COL6A3: variants seen among roughly 807,000 people sequenced by gnomAD.
The protein encoded by COL6A3 is collagen type VI alpha 3 chain, also known as collagen alpha-3(VI) chain.
In COL6A3, 137 loss-of-function variants were observed where a neutral mutation model predicts 274.1. That is an observed-to-expected ratio of 0.50 (90% CI 0.44 to 0.58). The LOEUF (loss-of-function observed/expected upper bound fraction) is 0.58. Among genes scored for constraint, COL6A3 ranks in the 20% least tolerant of loss-of-function variants. The probability of loss-of-function intolerance (pLI) is 0.00; values close to 1 mark genes in which losing one functional copy is unlikely to be tolerated. For missense variants in COL6A3, 3,950 were observed against 4,124.9 expected (o/e 0.96, Z 1.16); for synonymous variants, 1,650 against 1,650.6 (o/e 1.00, Z 0.01).
At chr2:237,370,646 G>C (rs1349506120) in intron 9 of COL6A3, among the ~76,000 whole-genome samples, 1 of 152,202 alleles carries the variant, frequency 6.6e-6, no homozygotes, top group Non-Finnish European at 1.5e-5. Flanking sequence ...TATTAAACTT[G>C]TATGTTGCTA....
At chr2:237,343,961 C>A (rs1041611245) in intron 36 of COL6A3, 2 of 352,698 alleles carry the variant, frequency 5.7e-6, no homozygotes, top group Non-Finnish European at 1.1e-5. Context: ...CACAGTAAGA[C>A]ACAGCTCAGA....
At chr2:237,330,342 A>G (rs1039155) in intron 42 of COL6A3, among the ~76,000 whole-genome samples, 26,881 of 152,096 alleles carry the variant, frequency 0.18, 2,452 homozygotes, top group Middle Eastern at 0.21. Flanking sequence ...TGCTTTCAGG[A>G]GGCCACGGTA....
rs1258202644 is a variant in COL6A3, at chr2:237,360,094, T to C, written c.6276A>G (p.Gly2092=). The change falls in exon 17 of 44, where the codon GGA becomes GGG. Residue 2092 remains glycine (G), a synonymous_variant. Coordinates refer to ENST00000295550, the MANE Select transcript of COL6A3 (RefSeq NM_004369.4). ...QGFQGCPGQR[G]VKGSRGFPGE... The stretch of plus-strand genomic sequence containing the variant: ...CCCATCACCCACGCCTCACCTTTAC[T>C]CCTCTCTGGCCCGGGCAGCCCTGGA... 3 of 1,613,872 alleles carry C rather than the reference T, an allele frequency of 1.9e-6. No homozygotes were observed. The highest frequency in any genetic ancestry group is 2.5e-6 in the Non-Finnish European group (3 of 1,179,966).
intron 24 of COL6A3, 68 bp downstream of exon 24, chr2:237,354,831 C>T: frequency 4.4e-6 from 6 of 1,366,718 alleles, no homozygotes; most frequent in Non-Finnish European, 4.1e-6. Context: ...GAGTGTTTTT[C>T]ACTCCTGGGC....
At position 237,368,600 on chromosome 2, in the gene COL6A3, T is replaced by TGCAGGAGTG; in HGVS notation, c.4854_4862dup (p.Thr1619_Ala1621dup). 6.2e-7 allele frequency: 1 copy of TGCAGGAGTG among 1,613,920 alleles called. No individual in the cohort carries two copies. The highest frequency in any genetic ancestry group is 8.5e-7 in the Non-Finnish European group (1 of 1,179,992). ...GAGGAGGGGTGTCCACCCCTGGAGG[T>TGCAGGAGTG]GCAGGAGTGGCTGCGGAGGGTCCAA... On this transcript the variant is annotated inframe_insertion, in exon 10 of 44. Transcript: ENST00000295550. The surrounding 1 kb of genome is among the most constrained non-coding windows in gnomAD (Gnocchi z 4.4).
chr2:237,382,474 A>G (rs988696847), intron 4 of COL6A3, among the ~76,000 whole-genome samples: 1 of 152,240 alleles, frequency 6.6e-6, no homozygotes, highest in African/African-American at 2.4e-5. Context: ...ACATCTCAAT[A>G]AGATAACTGT....
Position 237,366,951 on chromosome 2 carries a change from T to A in COL6A3, c.5236A>T (p.Ile1746Phe), listed in dbSNP as rs1287417987. 1 of 1,614,088 alleles carries A rather than the reference T, an allele frequency of 6.2e-7. No homozygotes were observed. The highest frequency in any genetic ancestry group is 1.7e-5 in the Admixed American group (1 of 60,004). ...GSRLDQRVPQ[I>F]AFVITGGKSV... is the part of the protein sequence containing the mutation. ...TTTCCTCCCGTGATCACAAAGGCAATCTGAGGGACCCGCTGGTCCAGGCGG... is the reference window on the plus strand; with the variant it reads ...TTTCCTCCCGTGATCACAAAGGCAAACTGAGGGACCCGCTGGTCCAGGCGG... The change falls in exon 11 of 44, where the codon ATT becomes TTT. Residue 1746 changes from isoleucine (I) to phenylalanine (F), a missense_variant. This residue lies in a region of COL6A3 where 632 missense variants were observed against 623.4 expected (regional missense o/e 1.01). Coordinates refer to ENST00000295550, the MANE Select transcript of COL6A3 (RefSeq NM_004369.4).
At chr2:237,334,596 G>C (rs1386224887) in intron 41 of COL6A3, 30 bp downstream of exon 41, 2 of 1,610,940 alleles carry the variant, frequency 1.2e-6, no homozygotes, top group Non-Finnish European at 1.7e-6. Context: ...ATAGAAATCA[G>C]GTACCGACTT....
chr2:237,398,219 T>C (rs76117790), intron 1 of COL6A3, among the ~76,000 whole-genome samples: 10,449 of 152,272 alleles, frequency 0.069, 914 homozygotes, highest in African/African-American at 0.2. Context: ...GGAATGAGCC[T>C]GGGGTGATTT....
Position 237,334,629 on chromosome 2 carries a change from T to C in COL6A3, c.9226A>G (p.Thr3076Ala), listed in dbSNP as rs1037962769. 2 of 1,613,204 alleles carry C rather than the reference T, an allele frequency of 1.2e-6. No homozygotes were observed. The highest frequency in any genetic ancestry group is 1.1e-5 in the South Asian group (1 of 91,020). Residue 3076 changes from threonine to alanine, a missense_variant, in exon 41 of 44, where the codon ACA (threonine) becomes GCA (alanine). Physicochemically the swap from Thr to Ala is moderately conservative, Grantham distance 58. Transcript: ENST00000295550. Reference sequence around the variant, plus strand: ...CTTGTACTGATCATGTACTTACTTGTACTGAAACTTCCGTGGTAGGTGGCT... The same window carrying C: ...CTTGTACTGATCATGTACTTACTTGCACTGAAACTTCCGTGGTAGGTGGCT... Reference protein sequence around the residue: ...VRATYHGSFSTKKSQPPPPQP... With the variant: ...VRATYHGSFSAKKSQPPPPQP...
At chr2:237,355,945 G>A (rs1405119370) in intron 23 of COL6A3, among the ~76,000 whole-genome samples, 1 of 152,196 alleles carries the variant, frequency 6.6e-6, no homozygotes, top group East Asian at 1.9e-4. Context: ...ACATTGCTCA[G>A]GCCAGAGGCC....
chr2:237,387,762 C>A lies in COL6A3; in HGVS notation c.1132G>T (p.Gly378Cys). Residue 378 changes from glycine to cysteine, a missense_variant, in exon 4 of 44, where the codon GGC becomes TGC. Physicochemically the swap from Gly to Cys is radical, Grantham distance 159. Coordinates refer to ENST00000295550, the MANE Select transcript of COL6A3 (RefSeq NM_004369.4). The part of the protein sequence containing the change: ...ALKQASVFSF[G>C]LGAQAASRAE... ...CTGGAGGCGGCCTGGGCTCCAAGGC[C>A]GAATGAGAACACGCTAGCCTGCTTC... 6.2e-7 allele frequency: 1 copy of A among 1,613,960 alleles called. No individual in the cohort carries two copies. The highest frequency in any genetic ancestry group is 8.5e-7 in the Non-Finnish European group (1 of 1,179,964).
chr2:237,353,990 T>C (rs4663728), intron 24 of COL6A3, among the ~76,000 whole-genome samples: 24,900 of 151,570 alleles, frequency 0.16, 2,191 homozygotes, highest in East Asian at 0.24. Flanking sequence ...ATTCTATTCT[T>C]AAATAAGATA....
chr2:237,400,453 G>T (rs1232009244), intron 1 of COL6A3, among the ~76,000 whole-genome samples: 1 of 151,916 alleles, frequency 6.6e-6, no homozygotes, highest in African/African-American at 2.4e-5. Context: ...GACTACATGA[G>T]ATCTGTAAGA....
intron 7 of COL6A3, 97 bp downstream of exon 7, chr2:237,376,675 G>T: frequency 8.2e-7 from 1 of 1,215,906 alleles, no homozygotes; most frequent in Non-Finnish European, 1.2e-6. Flanking sequence ...GTAAACTCAA[G>T]GAGGGCTTCT....
chr2:237,365,194 G>C (rs1221952421), intron 12 of COL6A3, among the ~76,000 whole-genome samples: 1 of 150,256 alleles, frequency 6.7e-6, no homozygotes, highest in Non-Finnish European at 1.5e-5. Flanking sequence ...TACAAGCCAA[G>C]CAGAGAAGAC....
At chr2:237,356,840 T>C (rs1384121674) in intron 23 of COL6A3, 2 of 195,456 alleles carry the variant, frequency 1.0e-5, no homozygotes, top group South Asian at 9.8e-5. Flanking sequence ...CAAGGAGCTA[T>C]TCTGCTACAG....
chr2:237,344,886 T>A lies in COL6A3; in HGVS notation c.7175-43A>T. The A allele has an allele frequency of 6.2e-7, 1 of 1,614,006 alleles. No homozygotes were observed. ...TGGAGGGTTAAAGACAAACTGTACT[T>A]ACTACAAAAGGGAGGCTTCCTTTCC... On this transcript the variant is annotated intron_variant, in intron 35 of 43. Transcript: ENST00000295550. This position sits in a 1 kb window ranked among gnomAD's most constrained non-coding sequence, Gnocchi z 4.8.
chr2:237,344,228 C>T lies in COL6A3; in HGVS notation c.7668+122G>A. The T allele has an allele frequency of 2.0e-6, 3 of 1,466,986 alleles. No individual in the cohort carries two copies. Among genetic ancestry groups the T allele is most frequent in the Non-Finnish European group, 2.8e-6 (3 of 1,054,748 alleles). 90.9% of individuals were successfully genotyped at this position (1,466,986 alleles called of 1,614,324 possible). On this transcript the variant is annotated intron_variant, in intron 36 of 43. Coordinates refer to ENST00000295550, the MANE Select transcript of COL6A3 (RefSeq NM_004369.4). The surrounding 1 kb of genome is among the most constrained non-coding windows in gnomAD (Gnocchi z 4.8). ...CAAGAGAAGTTCTCAGGCAGATGGC[C>T]TCATTGGGGACGTTTTAGGAGCTAT...
Sources: gnomAD v4.1 joint callset for allele counts (sites outside exome capture counted in the v4.1 genomes callset) on GRCh38, gnomAD v4.1.1 for gene constraint, gnomAD v4.1.1 regional missense constraint, Gnocchi (gnomAD v3.1) non-coding constraint, MANE v1.5 for transcripts, NCBI Gene and HGNC (gene_info 2026-07-23, HGNC 2026-07-21) for gene names.